ADAMTS6: variants seen among roughly 807,000 people sequenced by gnomAD.
The protein encoded by ADAMTS6 is ADAM metallopeptidase with thrombospondin type 1 motif 6.
ADAMTS6 carries 23 observed loss-of-function variants against 144.3 expected under a neutral mutation model. That is an observed-to-expected ratio of 0.16 (90% CI 0.11 to 0.23). The LOEUF (loss-of-function observed/expected upper bound fraction) is 0.23, where lower values mean the gene tolerates loss of function less well. Among genes scored for constraint, ADAMTS6 ranks in the 10% least tolerant of loss-of-function variants. The pLI is 1.00. For missense variants in ADAMTS6, 999 were observed against 1,379.6 expected (o/e 0.72, Z 4.37); for synonymous variants, 444 against 457.5 (o/e 0.97, Z 0.38).
intron 1 of ADAMTS6, among the ~76,000 whole-genome samples, chr5:65,480,671 C>A (rs1761139216): frequency 6.6e-6 from 1 of 152,176 alleles, no homozygotes. Flanking sequence ...CTCACTCTCC[C>A]TCCTCAATCC....
At chr5:65,327,605 T>G (rs1050277679) in intron 9 of ADAMTS6, among the ~76,000 whole-genome samples, 19 of 152,146 alleles carry the variant, frequency 1.2e-4, no homozygotes, top group African/African-American at 4.6e-4. Context: ...TCTATTTCTC[T>G]TTCACAATTT....
At chr5:65,169,204 C>T (rs1382764339) in intron 24 of ADAMTS6, among the ~76,000 whole-genome samples, 605 of 51,474 alleles carry the variant, frequency 0.012, 62 homozygotes, top group African/African-American at 0.069. Flanking sequence ...AAACAAACAA[C>T]CCCATCAAAA....
chr5:65,224,454 T>C, intron 17 of ADAMTS6, 54 bp from the exon 18 acceptor site: 1 of 1,405,932 alleles, frequency 7.1e-7, no homozygotes, highest in East Asian at 2.3e-5. Flanking sequence ...AAATGAGTAT[T>C]TGGTAACCAT....
At chr5:65,215,519 G>A in intron 18 of ADAMTS6, 32 bp from the exon 19 acceptor site, 2 of 1,578,678 alleles carry the variant, frequency 1.3e-6, no homozygotes, top group Non-Finnish European at 8.6e-7. Context: ...ACCTAAAAAT[G>A]TGAAATTTCA....
intron 7 of ADAMTS6, among the ~76,000 whole-genome samples, chr5:65,337,201 A>G (rs999269510): frequency 3.9e-5 from 6 of 152,168 alleles, no homozygotes. Flanking sequence ...GATGAATATG[A>G]ATATTTTTCC....
At chr5:65,173,928 CAGG>C (rs1375733250) in intron 22 of ADAMTS6, among the ~76,000 whole-genome samples, 1 of 151,188 alleles carries the variant, frequency 6.6e-6, no homozygotes, top group East Asian at 1.9e-4. Context: ...GAGGCTGAGG[CAGG>C]AGAAGTGCTT....
chr5:65,348,253 A>C (rs755554507), intron 7 of ADAMTS6, among the ~76,000 whole-genome samples: 20 of 152,146 alleles, frequency 1.3e-4, no homozygotes, highest in Admixed American at 3.3e-4. Context: ...ACATGAAATC[A>C]ATCTCTGTCT....
At chr5:65,244,092 A>G (rs546498923) in intron 14 of ADAMTS6, among the ~76,000 whole-genome samples, 10 of 152,286 alleles carry the variant, frequency 6.6e-5, no homozygotes, top group African/African-American at 2.4e-4. Context: ...ATCAGTTAAG[A>G]AAAACATCTT....
intron 3 of ADAMTS6, among the ~76,000 whole-genome samples, chr5:65,462,321 G>A (rs1759689357): frequency 6.6e-6 from 1 of 152,108 alleles, no homozygotes; most frequent in Non-Finnish European, 1.5e-5. Flanking sequence ...CTGGTCTGTG[G>A]GCACAAGAAA....
intron 21 of ADAMTS6, among the ~76,000 whole-genome samples, chr5:65,191,401 T>C (rs376397004): frequency 6.6e-6 from 1 of 152,132 alleles, no homozygotes; most frequent in African/African-American, 2.4e-5. Context: ...CAGAATATTG[T>C]TTTTGCTTTT....
intron 7 of ADAMTS6, among the ~76,000 whole-genome samples, chr5:65,426,036 C>G (rs112599334): frequency 0.02 from 2,970 of 151,036 alleles, 102 homozygotes; most frequent in African/African-American, 0.069. Flanking sequence ...CAGGCGTGAG[C>G]CACCGCACAC....
At chr5:65,215,622 G>C (rs548410877) in intron 18 of ADAMTS6, 135 bp from the exon 19 acceptor site, 359 of 695,914 alleles carry the variant, frequency 5.2e-4, no homozygotes, top group Non-Finnish European at 7.5e-4. Context: ...ATATTCTTAA[G>C]TACAAATTAA....
At position 65,285,578 on chromosome 5, in the gene ADAMTS6, C is replaced by A. The variant is rs560292849; in HGVS notation, c.1512+5751G>T. Reference sequence around the variant, plus strand: ...TACCATGAGCCAGGCACTGTTCTAGCCACTGGGGATACAGCTGTGAATCAG... The same window carrying A: ...TACCATGAGCCAGGCACTGTTCTAGACACTGGGGATACAGCTGTGAATCAG... On this transcript the variant is annotated intron_variant, in intron 11 of 24. Transcript: ENST00000381055. Among the ~76,000 whole-genome samples, 3 of 152,204 alleles carry A rather than the reference C, an allele frequency of 2.0e-5. No homozygotes were observed. The East Asian group carries it at 5.8e-4, about 29-fold the overall frequency.
intron 14 of ADAMTS6, among the ~76,000 whole-genome samples, chr5:65,256,901 G>A (rs568033024): frequency 2.7e-5 from 4 of 146,418 alleles, no homozygotes; most frequent in Admixed American, 1.4e-4. Flanking sequence ...GATTCACACC[G>A]TTCATCCAAA....
At chr5:65,440,145 A>G (rs1435419672) in intron 7 of ADAMTS6, among the ~76,000 whole-genome samples, 3 of 152,206 alleles carry the variant, frequency 2.0e-5, no homozygotes, top group Non-Finnish European at 4.4e-5. Context: ...AAACTGAAGT[A>G]TTTAGGGGTA....
rs542717594 is a variant in ADAMTS6, at chr5:65,466,959, G to A, written c.462+3819C>T. Among the ~76,000 whole-genome samples, 10 of 151,626 alleles carry A rather than the reference G, an allele frequency of 6.6e-5. No homozygotes were observed. The East Asian group carries it at 7.8e-4, about 12-fold the overall frequency. ...CGGGAGGCTGACGCAGGAGAATGGC[G>A]TGGACCCGGGAGGCGGAGCTTGCAG... is the stretch of plus-strand genomic sequence containing the variant. On this transcript the variant is annotated intron_variant, in intron 3 of 24. Transcript: ENST00000381055.
At chr5:65,242,012 C>T (rs1423606600) in intron 15 of ADAMTS6, 92 bp downstream of exon 15, 1 of 808,358 alleles carries the variant, frequency 1.2e-6, no homozygotes, top group Admixed American at 3.0e-5. Flanking sequence ...CTAGTATGTA[C>T]ATGAATGTAT....
At chr5:65,204,619 T>C (rs755815667) in intron 20 of ADAMTS6, among the ~76,000 whole-genome samples, 1 of 152,186 alleles carries the variant, frequency 6.6e-6, no homozygotes, top group Non-Finnish European at 1.5e-5. Context: ...TGACAGACCA[T>C]TGTCTAGTCC....
intron 7 of ADAMTS6, among the ~76,000 whole-genome samples, chr5:65,409,722 G>C (rs934473242): frequency 2.0e-5 from 3 of 152,154 alleles, no homozygotes; most frequent in African/African-American, 7.2e-5. Flanking sequence ...CAATATCCCT[G>C]ATGAACATCG....
Sources: allele counts gnomAD v4.1 joint callset (sites outside exome capture counted in the v4.1 genomes callset), GRCh38; gene constraint gnomAD v4.1.1; transcripts MANE v1.5; gene names NCBI Gene and HGNC (gene_info 2026-07-23, HGNC 2026-07-21).